Variants in CREB5 observed in about 807,000 individuals in gnomAD.
The protein encoded by CREB5 is cyclic AMP-responsive element-binding protein 5.
In CREB5, 19 loss-of-function variants were observed where a neutral mutation model predicts 57.1. That is an observed-to-expected ratio of 0.33 (90% CI 0.23 to 0.49). CREB5 has a LOEUF of 0.49. CREB5 is among the 20% of genes least tolerant of loss of function. The pLI, the probability that CREB5 is intolerant of heterozygous loss-of-function variation, is 0.99. For missense variants in CREB5, 579 were observed against 671.6 expected (o/e 0.86, Z 1.52); for synonymous variants, 238 against 238.3 (o/e 1.00, Z 0.01).
chr7:28,527,716 G>T (rs1166735986), intron 4 of CREB5, among the ~76,000 whole-genome samples: 1 of 152,194 alleles, frequency 6.6e-6, no homozygotes, highest in Non-Finnish European at 1.5e-5. Flanking sequence ...AGCCATTCAG[G>T]AGGCTGAGAC....
Position 28,357,170 on chromosome 7 carries a change from G to T in CREB5, c.-25+57729G>T, listed in dbSNP as rs141852828. Among the ~76,000 whole-genome samples the T allele has an allele frequency of 2.1e-3, 318 of 152,258 alleles. 3 individuals are homozygous for T. The highest frequency in any genetic ancestry group is 7.2e-3 in the African/African-American group (301 of 41,546). On this transcript the variant is annotated intron_variant, in intron 1 of 9. Coordinates refer to the CREB5 transcript ENST00000396299. ...TTCCCACTCTCCAGAGAGAGTTAAG[G>T]GAAGGCTGTGTTGCTGGCTTCTTAA...
At chr7:28,520,545 G>A (rs1793161356) in intron 4 of CREB5, among the ~76,000 whole-genome samples, 1 of 152,238 alleles carries the variant, frequency 6.6e-6, no homozygotes, top group Admixed American at 6.5e-5. Context: ...TGGTGATTCT[G>A]TGTCACTGGG....
At chr7:28,695,588 G>T (rs994603863) in intron 5 of CREB5, among the ~76,000 whole-genome samples, 3 of 152,162 alleles carry the variant, frequency 2.0e-5, no homozygotes, top group Non-Finnish European at 4.4e-5. Flanking sequence ...CCCCACTGGG[G>T]TCTAGTTAGT....
At chr7:28,532,738 A>G (rs1278286401) in intron 4 of CREB5, among the ~76,000 whole-genome samples, 1 of 152,238 alleles carries the variant, frequency 6.6e-6, no homozygotes, top group Non-Finnish European at 1.5e-5. Context: ...CAGCAGGATA[A>G]CATAGTGGTA....
intron 1 of CREB5, among the ~76,000 whole-genome samples, chr7:28,445,189 G>A (rs182385610): frequency 6.6e-6 from 1 of 152,258 alleles, no homozygotes; most frequent in Non-Finnish European, 1.5e-5. Flanking sequence ...CCCCAGCCAC[G>A]TGGAACTGCG....
At chr7:28,817,290 T>A (rs1809494562) in intron 9 of CREB5, among the ~76,000 whole-genome samples, 1 of 152,222 alleles carries the variant, frequency 6.6e-6, no homozygotes, top group Non-Finnish European at 1.5e-5. Flanking sequence ...GTGTACTGTA[T>A]GCTTCCATAC....
intron 5 of CREB5, among the ~76,000 whole-genome samples, chr7:28,620,893 T>G (rs1797767837): frequency 6.6e-6 from 1 of 152,202 alleles, no homozygotes; most frequent in East Asian, 1.9e-4. Flanking sequence ...GAATACTTGC[T>G]GGAATTAACA....
In CREB5 at chr7:28,561,088, C is replaced by T. The variant is rs1313262539; in HGVS notation, c.292-9277C>T. ...ATGTGTTTTTCATCCCTTCTCTTCCCTACTTTTCATATTCCTTCTAAGCTG... is the reference window on the plus strand; with the variant it reads ...ATGTGTTTTTCATCCCTTCTCTTCCTTACTTTTCATATTCCTTCTAAGCTG... On this transcript the variant is annotated intron_variant, in intron 4 of 10. Coordinates refer to ENST00000357727, the MANE Select transcript of CREB5 (RefSeq NM_182898.4). 3.3e-5 allele frequency among the ~76,000 whole-genome samples: 5 copies of T among 152,160 alleles called. No homozygotes were observed. In the East Asian group the frequency reaches 9.7e-4, roughly 29 times the overall value.
In CREB5 at chr7:28,822,717, T is replaced by G. The variant is rs1452127570; in HGVS notation, c.*3438T>G. 1 of 152,598 alleles carries G rather than the reference T, an allele frequency of 6.6e-6. No homozygotes were observed. The highest frequency in any genetic ancestry group is 1.9e-4 in the East Asian group (1 of 5,194). The allele number at this position is 152,598 out of a possible 1,614,324, so 9.5% of individuals were successfully genotyped here. On this transcript the variant is annotated 3_prime_UTR_variant, in exon 11 of 11. Coordinates refer to ENST00000357727, the MANE Select transcript of CREB5 (RefSeq NM_182898.4). ...AGGTAAACTGTCACTTAAATGGAGG[T>G]GTCCACATCTTAATTGTTTCTCCTT...
At chr7:28,380,102 G>A (rs537172301) in intron 1 of CREB5, among the ~76,000 whole-genome samples, 7 of 152,288 alleles carry the variant, frequency 4.6e-5, no homozygotes, top group African/African-American at 1.7e-4. Flanking sequence ...GCATGCTATG[G>A]TTTGAAGACT....
At chr7:28,786,646 C>CCA (rs1407873655) in intron 7 of CREB5, among the ~76,000 whole-genome samples, 1 of 152,176 alleles carries the variant, frequency 6.6e-6, no homozygotes, top group Admixed American at 6.5e-5. Flanking sequence ...GCAAGTCCTC[C>CCA]TCCCGACTCT....
At chr7:28,361,339 T>C (rs1010111778) in intron 1 of CREB5, among the ~76,000 whole-genome samples, 1 of 152,188 alleles carries the variant, frequency 6.6e-6, no homozygotes, top group Admixed American at 6.5e-5. Context: ...CATGAGTCAA[T>C]GTTCATATTG....
At position 28,374,926 on chromosome 7, in the gene CREB5, A is replaced by G. The variant is rs111451018; in HGVS notation, c.-25+75485A>G. Among the ~76,000 whole-genome samples the G allele has an allele frequency of 7.2e-4, 109 of 152,250 alleles. 1 individual carries two copies. The highest frequency in any genetic ancestry group is 2.6e-3 in the African/African-American group (106 of 41,542). On this transcript the variant is annotated intron_variant, in intron 1 of 9. Coordinates refer to the CREB5 transcript ENST00000396299. The stretch of plus-strand genomic sequence containing the variant: ...TTCCCTCTACAAGGGAACTCATTCT[A>G]TATTTGGACATTCTGTTAGAAAGTT...
Position 28,358,294 on chromosome 7 carries a change from T to C in CREB5, c.-25+58853T>C, listed in dbSNP as rs186128780. Among the ~76,000 whole-genome samples, 18 of 152,320 alleles carry C rather than the reference T, an allele frequency of 1.2e-4. No individual in the cohort carries two copies. In the East Asian group the frequency reaches 3.5e-3, roughly 29 times the overall value. On this transcript the variant is annotated intron_variant, in intron 1 of 9. Coordinates refer to the CREB5 transcript ENST00000396299. ...CTAAGCTGGTTTAACTGGGGACTCC[T>C]GCTCACACGACTCTCAGATCTCCCA... is the stretch of plus-strand genomic sequence containing the variant.
intron 5 of CREB5, among the ~76,000 whole-genome samples, chr7:28,647,373 T>TC (rs1562547895): frequency 6.6e-6 from 1 of 151,684 alleles, no homozygotes; most frequent in Non-Finnish European, 1.5e-5. Flanking sequence ...CAACAGAAAT[T>TC]CCCCCCAAAA....
chr7:28,539,803 C>T (rs1794131847), intron 4 of CREB5, among the ~76,000 whole-genome samples: 1 of 152,178 alleles, frequency 6.6e-6, no homozygotes, highest in African/African-American at 2.4e-5. Context: ...AACCTGCCTT[C>T]GTCACCTTGT....
At chr7:28,582,281 G>C (rs144867629) in intron 5 of CREB5, among the ~76,000 whole-genome samples, 29 of 152,302 alleles carry the variant, frequency 1.9e-4, no homozygotes, top group African/African-American at 6.0e-4. Context: ...TTTAGGGGTA[G>C]AGAAAGGCCA....
intron 5 of CREB5, among the ~76,000 whole-genome samples, chr7:28,627,952 C>T: frequency 6.6e-6 from 1 of 152,094 alleles, no homozygotes. Flanking sequence ...TGATGCCTGC[C>T]TTGCCAAATT....
Position 28,370,001 on chromosome 7 carries a change from G to C in CREB5, c.-25+70560G>C, listed in dbSNP as rs146803947. 4.6e-5 allele frequency among the ~76,000 whole-genome samples: 7 copies of C among 152,112 alleles called. No homozygotes were observed. The East Asian group carries it at 1.4e-3, about 29-fold the overall frequency. ...CCTAGCAGCTACTTTTTTTTCCCTAGTAATGCTGTCTGTTAGTTGTACTTA... is the reference window on the plus strand; with the variant it reads ...CCTAGCAGCTACTTTTTTTTCCCTACTAATGCTGTCTGTTAGTTGTACTTA... On this transcript the variant is annotated intron_variant, in intron 1 of 9. Coordinates refer to the CREB5 transcript ENST00000396299.
Sources: gnomAD v4.1 joint callset for allele counts (sites outside exome capture counted in the v4.1 genomes callset) on GRCh38, gnomAD v4.1.1 for gene constraint, MANE v1.5 for transcripts, NCBI Gene and HGNC (gene_info 2026-07-23, HGNC 2026-07-21) for gene names.